SHANK2: variants seen among roughly 807,000 people sequenced by gnomAD.
SHANK2 encodes SH3 and multiple ankyrin repeat domains protein 2.
In SHANK2, 43 loss-of-function variants were observed where a neutral mutation model predicts 133.7. The observed-to-expected ratio is 0.32, with a 90% confidence interval of 0.25 to 0.41. SHANK2 has a LOEUF of 0.41. SHANK2 is among the 10% of genes least tolerant of loss of function. SHANK2 has a pLI of 1.00. For missense variants in SHANK2, 1,994 were observed against 2,235.8 expected (o/e 0.89, Z 2.18); for synonymous variants, 1,017 against 952.8 (o/e 1.07, Z -1.24).
At chr11:70,936,679 C>T (rs1590851324) in intron 10 of SHANK2, among the ~76,000 whole-genome samples, 2 of 152,318 alleles carry the variant, frequency 1.3e-5, no homozygotes, top group East Asian at 1.9e-4. Flanking sequence ...AAAGCCAGAG[C>T]TGAAACAGTT....
At chr11:70,859,042 C>T (rs1301528755) in intron 11 of SHANK2, among the ~76,000 whole-genome samples, 5 of 152,196 alleles carry the variant, frequency 3.3e-5, no homozygotes, top group East Asian at 1.9e-4. Context: ...TGTTTACATA[C>T]AGCACTGCTC....
At chr11:71,142,224 C>G (rs1448332655) in intron 3 of SHANK2, among the ~76,000 whole-genome samples, 4 of 152,162 alleles carry the variant, frequency 2.6e-5, no homozygotes, top group Non-Finnish European at 1.5e-5. Flanking sequence ...GCAGGCCGGG[C>G]GCGGTGGCTC....
chr11:71,070,526 T>A (rs1951129332), intron 9 of SHANK2, among the ~76,000 whole-genome samples: 1 of 151,774 alleles, frequency 6.6e-6, no homozygotes, highest in Non-Finnish European at 1.5e-5. Flanking sequence ...CTCTCCATAC[T>A]ACCTCCAGAG....
chr11:70,921,114 C>T (rs1417716352), intron 10 of SHANK2, among the ~76,000 whole-genome samples: 2 of 152,130 alleles, frequency 1.3e-5, no homozygotes, highest in Non-Finnish European at 2.9e-5. Context: ...AGGAAATGGT[C>T]GGAATCAGCC....
chr11:70,907,883 C>A (rs1555078253), intron 10 of SHANK2: 2 of 454,352 alleles, frequency 4.4e-6, no homozygotes, highest in Non-Finnish European at 8.9e-6. Flanking sequence ...AGGCAGATCA[C>A]TTAAGGTCAA....
rs782788467 is a variant in SHANK2, at chr11:70,492,322, TACGGCC to T, written c.2439+7_2439+12del. The T allele has an allele frequency of 6.2e-7, 1 of 1,609,034 alleles. No homozygotes were observed. The highest frequency in any genetic ancestry group is 1.1e-5 in the South Asian group (1 of 91,080). On this transcript the variant is annotated splice_region_variant and intron_variant, in intron 22 of 25. Coordinates refer to ENST00000601538, the MANE Select transcript of SHANK2 (RefSeq NM_012309.5). ...GGCCCCCGCCCTCGTGGTCCCAAGG[TACGGCC>T]ACTCACGTTCATGTCTGAGCCCGCC...
intron 17 of SHANK2, among the ~76,000 whole-genome samples, chr11:70,595,546 C>T (rs965743361): frequency 6.6e-6 from 1 of 152,152 alleles, no homozygotes; most frequent in East Asian, 1.9e-4. Context: ...GAACTGTGGC[C>T]TGGAGCCCAG....
chr11:70,691,481 G>A (rs1437045409), intron 15 of SHANK2, among the ~76,000 whole-genome samples: 1 of 152,202 alleles, frequency 6.6e-6, no homozygotes, highest in African/African-American at 2.4e-5. Context: ...CATGCTGGGA[G>A]AGCGCAAAGG....
intron 6 of SHANK2, among the ~76,000 whole-genome samples, chr11:71,105,601 A>C (rs1484642749): frequency 6.6e-6 from 1 of 151,098 alleles, no homozygotes; most frequent in Non-Finnish European, 1.5e-5. Context: ...AAAAAAAAAA[A>C]AAAAAAAAAA....
intron 10 of SHANK2, among the ~76,000 whole-genome samples, chr11:70,935,688 A>ACAGCTG (rs1950561603): frequency 6.6e-6 from 1 of 152,162 alleles, no homozygotes; most frequent in Non-Finnish European, 1.5e-5. Flanking sequence ...CCCGAGTGGG[A>ACAGCTG]CAGCTGCCTT....
At chr11:70,711,226 C>T (rs369495583) in intron 14 of SHANK2, among the ~76,000 whole-genome samples, 4 of 152,196 alleles carry the variant, frequency 2.6e-5, no homozygotes, top group African/African-American at 9.7e-5. Context: ...GCCTTGAGTC[C>T]GCTCTGGCCA....
chr11:71,073,160 TTTTTC>T (rs1590884735), intron 9 of SHANK2, among the ~76,000 whole-genome samples: 682 of 41,688 alleles, frequency 0.016, 139 homozygotes, highest in South Asian at 0.051. Context: ...TTTTTTCTTT[TTTTTC>T]TTTTTTTTTT....
intron 14 of SHANK2, among the ~76,000 whole-genome samples, chr11:70,792,370 AC>A (rs1947811567): frequency 6.7e-6 from 1 of 148,432 alleles, no homozygotes; most frequent in Non-Finnish European, 1.5e-5. Context: ...TAATTAACCA[AC>A]CAACCAACCA....
intron 2 of SHANK2, among the ~76,000 whole-genome samples, chr11:71,150,643 C>T (rs1284099087): frequency 2.0e-5 from 3 of 152,012 alleles, no homozygotes; most frequent in Admixed American, 6.6e-5. Flanking sequence ...GTGTGTGTGG[C>T]TTCATGTCCA....
At chr11:71,132,216 C>A (rs187964665) in intron 3 of SHANK2, among the ~76,000 whole-genome samples, 1 of 152,284 alleles carries the variant, frequency 6.6e-6, no homozygotes, top group Admixed American at 6.5e-5. Context: ...CGGAGCCAGG[C>A]TGGAGGAATC....
intron 11 of SHANK2, 67 bp downstream of exon 11, chr11:70,896,434 G>A: frequency 1.5e-6 from 1 of 665,060 alleles, no homozygotes. Flanking sequence ...AAAAGCTGGT[G>A]AGTGACTGAT....
intron 11 of SHANK2, among the ~76,000 whole-genome samples, chr11:70,822,959 G>A (rs1276063300): frequency 8.6e-6 from 1 of 116,652 alleles, no homozygotes; most frequent in African/African-American, 3.5e-5. Flanking sequence ...CAGAGGTCAC[G>A]GGGGACAGAG....
intron 2 of SHANK2, among the ~76,000 whole-genome samples, chr11:71,160,762 C>T (rs1358110894): frequency 1.3e-5 from 2 of 152,192 alleles, no homozygotes; most frequent in Admixed American, 6.5e-5. Context: ...GCCACTCCAA[C>T]GTATGCCATT....
At chr11:70,576,651 C>T (rs2060120108) in intron 17 of SHANK2, among the ~76,000 whole-genome samples, 1 of 151,990 alleles carries the variant, frequency 6.6e-6, no homozygotes, top group African/African-American at 2.4e-5. Context: ...AACAAACAAA[C>T]AAACAAAAAA....
Sources: gnomAD v4.1 joint callset for allele counts (sites outside exome capture counted in the v4.1 genomes callset) on GRCh38, gnomAD v4.1.1 for gene constraint, MANE v1.5 for transcripts, NCBI Gene and HGNC (gene_info 2026-07-23, HGNC 2026-07-21) for gene names.